The following MYO3B variants were observed in gnomAD, a reference collection of about 807,000 sequenced individuals.
MYO3B encodes myosin-IIIb.
Under a neutral mutation model 174.6 loss-of-function variants are expected in MYO3B, and 156 were observed. That is an observed-to-expected ratio of 0.89 (90% confidence interval 0.78 to 1.02). The LOEUF (loss-of-function observed/expected upper bound fraction) is 1.02. MYO3B is among the 50% of genes least tolerant of loss of function. The pLI is 0.00. For synonymous variants in MYO3B, 563 were observed against 569.1 expected, an observed-to-expected ratio of 0.99 and a Z score of 0.15; for missense variants, 1,632 against 1,639.4, an observed-to-expected ratio of 1.00 and a Z score of 0.08.
intron 3 of MYO3B, among the ~76,000 whole-genome samples, chr2:170,204,057 G>A (rs755000592): frequency 1.3e-5 from 2 of 152,176 alleles, no homozygotes; most frequent in African/African-American, 4.8e-5. Context: ...CCCTCTCATT[G>A]TATGAGCATC....
Position 170,405,615 on chromosome 2 carries a change from T to G in MYO3B, c.2502T>G (p.Ile834Met). ...RPKGVELCFG[I>M]QHYAGKVLYD... ...AAGGAGTGGAACTGTGCTTTGGCAT[T>G]CAGCATTATGCTGGAAAGGTGAGGC... The change falls in exon 21 of 35, where the codon ATT (isoleucine) becomes ATG (methionine). Residue 834 changes from isoleucine (I) to methionine (M), a missense_variant. Ile to Met is a conservative substitution (Grantham distance 10, BLOSUM62 1). Transcript: ENST00000408978. 6.2e-7 allele frequency: 1 copy of G among 1,614,218 alleles called. No individual in the cohort carries two copies. The highest frequency in any genetic ancestry group is 1.3e-5 in the African/African-American group (1 of 75,070).
chr2:170,242,948 G>A (rs926054399), intron 7 of MYO3B, among the ~76,000 whole-genome samples: 2 of 152,148 alleles, frequency 1.3e-5, no homozygotes, highest in Non-Finnish European at 2.9e-5. Context: ...GCCTTTATGG[G>A]TTGGCATAAT....
At chr2:170,213,471 A>T (rs1377470307) in intron 3 of MYO3B, among the ~76,000 whole-genome samples, 2 of 152,208 alleles carry the variant, frequency 1.3e-5, no homozygotes, top group South Asian at 2.1e-4. Flanking sequence ...ATCTATAGAT[A>T]ACATATCCGG....
intron 22 of MYO3B, among the ~76,000 whole-genome samples, chr2:170,421,028 C>T (rs1574952972): frequency 6.6e-6 from 1 of 152,096 alleles, no homozygotes; most frequent in East Asian, 1.9e-4. Context: ...GATTTTTGTC[C>T]ATTTGGTTGG....
intron 30 of MYO3B, among the ~76,000 whole-genome samples, chr2:170,527,844 A>G (rs889193405): frequency 3.9e-5 from 6 of 152,262 alleles, no homozygotes; most frequent in Non-Finnish European, 7.3e-5. Context: ...ACTGTATCCC[A>G]CATGAGATAA....
At chr2:170,266,341 T>A (rs2093383146) in intron 7 of MYO3B, among the ~76,000 whole-genome samples, 1 of 152,188 alleles carries the variant, frequency 6.6e-6, no homozygotes, top group Admixed American at 6.5e-5. Flanking sequence ...TTAAACTAGC[T>A]GTATGTCATT....
intron 32 of MYO3B, among the ~76,000 whole-genome samples, chr2:170,631,386 A>C (rs1364995869): frequency 6.6e-6 from 1 of 151,820 alleles, no homozygotes; most frequent in Non-Finnish European, 1.5e-5. Context: ...GCCTCCAAGA[A>C]ATAGGGGACT....
intron 32 of MYO3B, among the ~76,000 whole-genome samples, chr2:170,628,739 A>G (rs1456677771): frequency 1.3e-5 from 2 of 152,190 alleles, no homozygotes; most frequent in Non-Finnish European, 2.9e-5. Context: ...TGAAGGCATC[A>G]AAGCCCCCCT....
chr2:170,262,354 C>CA (rs1440916068), intron 7 of MYO3B, among the ~76,000 whole-genome samples: 2 of 152,224 alleles, frequency 1.3e-5, no homozygotes, highest in East Asian at 3.9e-4. Context: ...TCTTGGTAGC[C>CA]ATGCAGAGCC....
chr2:170,297,473 A>G (rs1044941013), intron 7 of MYO3B, among the ~76,000 whole-genome samples: 1 of 152,214 alleles, frequency 6.6e-6, no homozygotes, highest in African/African-American at 2.4e-5. Context: ...TGCTTTTCCC[A>G]GGAAGTAATT....
At chr2:170,232,085 G>A (rs532966293) in intron 6 of MYO3B, among the ~76,000 whole-genome samples, 8 of 152,208 alleles carry the variant, frequency 5.3e-5, no homozygotes, top group South Asian at 4.2e-4. Context: ...ACTTGCCTTC[G>A]TCAGTCTCCT....
At chr2:170,286,697 C>A (rs1342187462) in intron 7 of MYO3B, among the ~76,000 whole-genome samples, 4 of 152,002 alleles carry the variant, frequency 2.6e-5, no homozygotes, top group Non-Finnish European at 5.9e-5. Flanking sequence ...ATGCCATAGA[C>A]CTTCTTTAAC....
intron 6 of MYO3B, among the ~76,000 whole-genome samples, chr2:170,227,344 G>C (rs12052696): frequency 0.54 from 82,747 of 152,070 alleles, 22,931 homozygotes; most frequent in Admixed American, 0.64. Context: ...GAGTGTGGTG[G>C]TGTGATTTTG....
chr2:170,515,133 CCTT>C (rs1688228106), intron 29 of MYO3B, 111 bp downstream of exon 29: 7 of 869,638 alleles, frequency 8.0e-6, no homozygotes, highest in East Asian at 2.7e-5. Flanking sequence ...GTCCACCACT[CCTT>C]CTTTTTTCTA....
intron 7 of MYO3B, among the ~76,000 whole-genome samples, chr2:170,306,902 T>A (rs1446208134): frequency 1.3e-5 from 2 of 152,358 alleles, no homozygotes; most frequent in East Asian, 3.9e-4. Flanking sequence ...AACTACGTTT[T>A]AATTAATTTC....
intron 9 of MYO3B, among the ~76,000 whole-genome samples, chr2:170,370,881 A>G (rs905565572): frequency 2.7e-5 from 4 of 150,322 alleles, no homozygotes; most frequent in African/African-American, 9.9e-5. Flanking sequence ...GTCCAGATCT[A>G]TGCTCTCTCT....
At chr2:170,644,714 T>C (rs1698235216) in intron 32 of MYO3B, 2 of 152,232 alleles carry the variant, frequency 1.3e-5, no homozygotes, top group South Asian at 4.1e-4. Context: ...TGTGACAGAT[T>C]GACTGAATTC....
At chr2:170,596,705 C>A (rs35773866) in intron 32 of MYO3B, among the ~76,000 whole-genome samples, 1 of 152,354 alleles carries the variant, frequency 6.6e-6, no homozygotes, top group South Asian at 2.1e-4. Context: ...CGCTGCCCCC[C>A]CAGGGCCTAG....
At chr2:170,334,712 T>A (rs1259170381) in intron 7 of MYO3B, 1 of 152,092 alleles carries the variant, frequency 6.6e-6, no homozygotes, top group Admixed American at 6.6e-5. Context: ...CCCCTCTTTT[T>A]TTTTGCCCTC....
Sources: allele counts gnomAD v4.1 joint callset (sites outside exome capture counted in the v4.1 genomes callset), GRCh38; gene constraint gnomAD v4.1.1; transcripts MANE v1.5; gene names NCBI Gene and HGNC (gene_info 2026-07-23, HGNC 2026-07-21).